RBM24: variants seen among roughly 807,000 people sequenced by gnomAD.
The protein encoded by RBM24 is RNA-binding protein 24.
Under a neutral mutation model 23.6 loss-of-function variants are expected in RBM24, and 5 were observed. The ratio of observed to expected loss-of-function variants is 0.21; its 90% CI spans 0.11 to 0.45. The LOEUF (loss-of-function observed/expected upper bound fraction) is 0.45. Among genes scored for constraint, RBM24 ranks in the 20% least tolerant of loss-of-function variants. RBM24 has a pLI of 0.99. For missense variants in RBM24, 252 were observed against 314.6 expected, an observed-to-expected ratio of 0.80 and a Z score of 1.51; for synonymous variants, 151 against 129.5, an observed-to-expected ratio of 1.17 and a Z score of -1.13.
rs1760053990 is a variant in RBM24, at chr6:17,282,463, G to A, written c.169-342G>A. ...GGCTGAGTAGGGACCTGGGGGGCGG[G>A]GGATTCGGGGGAAGGAGGATCTAGA... is the stretch of plus-strand genomic sequence containing the variant. On this transcript the variant is annotated intron_variant, in intron 1 of 3. Transcript: ENST00000379052. The A allele has an allele frequency of 5.4e-5, 26 of 478,344 alleles. 1 individual carries two copies. The highest frequency in any genetic ancestry group is 3.9e-4 in the South Asian group (24 of 61,526). The allele number at this position is 478,344 out of a possible 1,614,324, so 29.6% of individuals were successfully genotyped here.
At chr6:17,291,639 T>C (rs1760360402) in intron 3 of RBM24, 117 bp from the exon 4 acceptor site, 2 of 1,121,342 alleles carry the variant, frequency 1.8e-6, no homozygotes, top group Non-Finnish European at 1.3e-6. Flanking sequence ...AGAAAGTAGA[T>C]ATTGTGGCAA....
chr6:17,290,147 C>A, intron 3 of RBM24: 1 of 1,202,778 alleles, frequency 8.3e-7, no homozygotes, highest in Non-Finnish European at 1.1e-6. Context: ...CATGGATGTT[C>A]GTTAATGAGT....
At chr6:17,285,444 C>G (rs1240482164) in intron 3 of RBM24, among the ~76,000 whole-genome samples, 5 of 151,626 alleles carry the variant, frequency 3.3e-5, no homozygotes, top group African/African-American at 9.7e-5. Context: ...TGCTTTTAAG[C>G]TGTAGCCTGT....
At position 17,281,884 on chromosome 6, in the gene RBM24, G is replaced by T; in HGVS notation, c.168+135G>T. 7.3e-7 allele frequency: 1 copy of T among 1,363,050 alleles called. No homozygotes were observed. The highest frequency in any genetic ancestry group is 1.0e-6 in the Non-Finnish European group (1 of 1,002,128). 84.4% of individuals were successfully genotyped at this position (1,363,050 alleles called of 1,614,324 possible). A position where few individuals can be genotyped will look rare whatever the true frequency, so the allele number is the denominator to read the frequency against. On this transcript the variant is annotated intron_variant, in intron 1 of 3. Coordinates refer to ENST00000379052, the MANE Select transcript of RBM24 (RefSeq NM_001143942.2). This position sits in a 1 kb window ranked among gnomAD's most constrained non-coding sequence, Gnocchi z 7.1. ...TAGAGCGGCGCTGCCCCTTCGCTCCGGGGTGAACTGAAACTTTGCTAGGGG... is the reference window on the plus strand; with the variant it reads ...TAGAGCGGCGCTGCCCCTTCGCTCCTGGGTGAACTGAAACTTTGCTAGGGG...
rs534289373 is a variant in RBM24 at position 17,281,859 on chromosome 6, T to G, written c.168+110T>G. 7.1e-7 allele frequency: 1 copy of G among 1,409,774 alleles called. No homozygotes were observed. Among genetic ancestry groups the G allele is most frequent in the African/African-American group, 1.5e-5 (1 of 68,886 alleles). 87.3% of individuals were successfully genotyped at this position (1,409,774 alleles called of 1,614,324 possible). On this transcript the variant is annotated intron_variant, in intron 1 of 3. Coordinates refer to ENST00000379052, the MANE Select transcript of RBM24 (RefSeq NM_001143942.2). The surrounding 1 kb of genome is among the most constrained non-coding windows in gnomAD (Gnocchi z 7.1). ...CGTGACCCGTGAGGAGCCCCGCGGG[T>G]AGAGCGGCGCTGCCCCTTCGCTCCG...
At position 17,281,573 on chromosome 6, in the gene RBM24, G is replaced by A; in HGVS notation, c.-9G>A. On this transcript the variant is annotated 5_prime_UTR_variant, in exon 1 of 4. Coordinates refer to ENST00000379052, the MANE Select transcript of RBM24 (RefSeq NM_001143942.2). The surrounding 1 kb of genome is among the most constrained non-coding windows in gnomAD (Gnocchi z 7.1). Reference sequence around the variant, plus strand: ...CAGCCGGAGCCCGAGCCGCGGGGCGGGTGCGAAGATGCACACGACCCAGAA... The same window carrying A: ...CAGCCGGAGCCCGAGCCGCGGGGCGAGTGCGAAGATGCACACGACCCAGAA... 1.3e-6 allele frequency: 2 copies of A among 1,492,696 alleles called. No individual in the cohort carries two copies. Among genetic ancestry groups the A allele is most frequent in the South Asian group, 2.6e-5 (2 of 77,542 alleles). The allele number at this position is 1,492,696 out of a possible 1,614,324, so 92.5% of individuals were successfully genotyped here.
chr6:17,287,412 T>A (rs1035721315), intron 3 of RBM24, among the ~76,000 whole-genome samples: 1 of 152,196 alleles, frequency 6.6e-6, no homozygotes, highest in African/African-American at 2.4e-5. Context: ...GAAAAACTTA[T>A]AAACTTGCTA....
rs1189837672 is a variant in RBM24, at chr6:17,281,451, C to A, written c.-131C>A. 3.1e-6 allele frequency: 2 copies of A among 637,888 alleles called. No individual in the cohort carries two copies. Among genetic ancestry groups the A allele is most frequent in the Non-Finnish European group, 4.0e-6 (2 of 506,032 alleles). 39.5% of individuals were successfully genotyped at this position (637,888 alleles called of 1,614,324 possible). A position where few individuals can be genotyped will look rare whatever the true frequency, so the allele number is the denominator to read the frequency against. ...CTCGCCCCCGCCGCGCCGCCGCCCT[C>A]GCCCCCGGGCTCGCCCTTGGCCCCC... On this transcript the variant is annotated 5_prime_UTR_variant, in exon 1 of 4. Transcript: ENST00000379052. This position sits in a 1 kb window ranked among gnomAD's most constrained non-coding sequence, Gnocchi z 7.1.
At chr6:17,282,716 A>T in intron 1 of RBM24, 89 bp from the exon 2 acceptor site, 5 of 1,535,974 alleles carry the variant, frequency 3.3e-6, no homozygotes, top group Non-Finnish European at 4.4e-6. Flanking sequence ...CAGTTTTATC[A>T]TGAATGACTT....
chr6:17,281,638 C>T lies in RBM24; in HGVS notation c.57C>T (p.Pro19=). 3 of 1,549,898 alleles carry T rather than the reference C, an allele frequency of 1.9e-6. No individual in the cohort carries two copies. Among genetic ancestry groups the T allele is most frequent in the South Asian group, 2.4e-5 (2 of 84,000 alleles). The change falls in exon 1 of 4, where the codon CCC becomes CCT. Residue 19 remains proline, a synonymous_variant. Coordinates refer to ENST00000379052, the MANE Select transcript of RBM24 (RefSeq NM_001143942.2). The surrounding 1 kb of genome is among the most constrained non-coding windows in gnomAD (Gnocchi z 7.1). ...CCAAGATCTTCGTCGGGGGGCTGCC[C>T]TACCACACCACCGACGCCAGCCTGC... ...TYTKIFVGGL[P]YHTTDASLRK... is the part of the protein sequence containing the mutation.
Position 17,282,851 on chromosome 6 carries a change from C to T in RBM24, c.215C>T (p.Pro72Leu), listed in dbSNP as rs1248033319. 1.2e-6 allele frequency: 2 copies of T among 1,614,036 alleles called. No homozygotes were observed. Among genetic ancestry groups the T allele is most frequent in the East Asian group, 2.2e-5 (1 of 44,866 alleles). ...GCTGCCGAAAGGGCCTGCAAGGATC[C>T]CAATCCCATCATTGATGGCAGAAAG... ...RAAAERACKDPNPIIDGRKAN... is the reference protein window; with the variant it reads ...RAAAERACKDLNPIIDGRKAN... Residue 72 changes from proline to leucine, a missense_variant, in exon 2 of 4, where the codon CCC (proline) becomes CTC (leucine). Coordinates refer to ENST00000379052, the MANE Select transcript of RBM24 (RefSeq NM_001143942.2).
At chr6:17,282,635 C>CCG in intron 1 of RBM24, 170 bp from the exon 2 acceptor site, 1 of 304,950 alleles carries the variant, frequency 3.3e-6, no homozygotes, top group Non-Finnish European at 5.6e-6. Flanking sequence ...CCCCGCCCGC[C>CCG]TGTTAAAAAT....
chr6:17,289,058 TGTA>T (rs1241126036), intron 3 of RBM24: 1 of 985,370 alleles, frequency 1.0e-6, no homozygotes, highest in Non-Finnish European at 1.2e-6. Flanking sequence ...AAAAGGAAAA[TGTA>T]GTAAATTTTC....
intron 3 of RBM24, among the ~76,000 whole-genome samples, chr6:17,291,509 C>T (rs1195978306): frequency 1.3e-5 from 2 of 152,180 alleles, no homozygotes; most frequent in Non-Finnish European, 2.9e-5. Context: ...TACTTAGCAG[C>T]TCCAAATAAT....
chr6:17,281,378 G>T lies in RBM24; in HGVS notation c.-204G>T. The T allele has an allele frequency of 6.5e-6, 1 of 154,216 alleles. No homozygotes were observed. Among genetic ancestry groups the T allele is most frequent in the South Asian group, 1.8e-4 (1 of 5,424 alleles). The allele number at this position is 154,216 out of a possible 1,614,324, so 9.6% of individuals were successfully genotyped here. A position where few individuals can be genotyped will look rare whatever the true frequency, so the allele number is the denominator to read the frequency against. ...GCGAAGTCAAGTCTCCAGGGCCGCTGGCGACTTCGGAAGCCGCGCGCCCGG... is the reference window on the plus strand; with the variant it reads ...GCGAAGTCAAGTCTCCAGGGCCGCTTGCGACTTCGGAAGCCGCGCGCCCGG... On this transcript the variant is annotated 5_prime_UTR_variant, in exon 1 of 4. Transcript: ENST00000379052. The surrounding 1 kb of genome is among the most constrained non-coding windows in gnomAD (Gnocchi z 7.1).
In RBM24 at chr6:17,289,762, C is replaced by T. The variant is rs927203476; in HGVS notation, c.348-1994C>T. On this transcript the variant is annotated intron_variant, in intron 3 of 3. Coordinates refer to ENST00000379052, the MANE Select transcript of RBM24 (RefSeq NM_001143942.2). Reference sequence around the variant, plus strand: ...CATTTTACCCGCTGGAAACCCTTGTCGCATGACAGGATCAAAAATAGCCCG... The same window carrying T: ...CATTTTACCCGCTGGAAACCCTTGTTGCATGACAGGATCAAAAATAGCCCG... 1.0e-5 allele frequency: 11 copies of T among 1,066,172 alleles called. No homozygotes were observed. The African/African-American group carries it at 1.2e-4, about 11-fold the overall frequency. 66.0% of individuals were successfully genotyped at this position (1,066,172 alleles called of 1,614,324 possible). A position where few individuals can be genotyped will look rare whatever the true frequency, so the allele number is the denominator to read the frequency against.
intron 1 of RBM24, chr6:17,282,226 T>G (rs1041519656): frequency 1.5e-6 from 2 of 1,290,810 alleles, no homozygotes; most frequent in African/African-American, 3.0e-5. Context: ...AAAGGTAGGT[T>G]CTTTTAAATC....
intron 2 of RBM24, 65 bp from the exon 3 acceptor site, chr6:17,284,592 T>A (rs1760138424): frequency 8.1e-7 from 1 of 1,234,396 alleles, no homozygotes; most frequent in Non-Finnish European, 1.2e-6. Flanking sequence ...GATTGCATTT[T>A]ACATGTAGGA....
chr6:17,288,291 T>C, intron 3 of RBM24: 1 of 985,404 alleles, frequency 1.0e-6, no homozygotes, highest in South Asian at 4.7e-5. Flanking sequence ...AGAAGGGCTG[T>C]CCATGTGGCT....
Sources: gnomAD v4.1 joint callset for allele counts (sites outside exome capture counted in the v4.1 genomes callset) on GRCh38, gnomAD v4.1.1 for gene constraint, Gnocchi (gnomAD v3.1) non-coding constraint, MANE v1.5 for transcripts, NCBI Gene and HGNC (gene_info 2026-07-23, HGNC 2026-07-21) for gene names.